PBRM1: variants seen among roughly 807,000 people sequenced by gnomAD.
The protein encoded by PBRM1 is protein polybromo-1.
PBRM1 carries 27 observed loss-of-function variants against 194.5 expected under a neutral mutation model. That is an observed-to-expected ratio of 0.14 (90% CI 0.10 to 0.19). The LOEUF (loss-of-function observed/expected upper bound fraction) is 0.19, where lower values mean the gene tolerates loss of function less well. PBRM1 is among the 10% of genes least tolerant of loss of function. The probability of loss-of-function intolerance (pLI) is 1.00; values close to 1 mark genes in which losing one functional copy is unlikely to be tolerated. For synonymous variants in PBRM1, 655 were observed against 693.2 expected (o/e 0.94, Z 0.87); for missense variants, 1,466 against 2,077.2 (o/e 0.71, Z 5.72).
At chr3:52,658,709 A>C (rs56665533) in intron 4 of PBRM1, among the ~76,000 whole-genome samples, 17,128 of 152,098 alleles carry the variant, frequency 0.11, 2,537 homozygotes, top group African/African-American at 0.34. Flanking sequence ...GCAACTTCTA[A>C]GCAGTACTTA....
At chr3:52,678,097 C>A (rs2097143488) in intron 2 of PBRM1, among the ~76,000 whole-genome samples, 1 of 152,104 alleles carries the variant, frequency 6.6e-6, no homozygotes, top group South Asian at 2.1e-4. Context: ...GTCTCAAATT[C>A]TTGGCCTCAA....
chr3:52,667,901 A>C (rs1174494386), intron 3 of PBRM1, among the ~76,000 whole-genome samples: 2 of 152,126 alleles, frequency 1.3e-5, no homozygotes, highest in Non-Finnish European at 2.9e-5. Flanking sequence ...CTCTAAAAAA[A>C]AAAAGAAAAA....
At chr3:52,588,314 G>A (rs2092653823) in intron 18 of PBRM1, among the ~76,000 whole-genome samples, 1 of 152,148 alleles carries the variant, frequency 6.6e-6, no homozygotes, top group Non-Finnish European at 1.5e-5. Context: ...CAATTTAAAG[G>A]CAACTGTTCT....
intron 27 of PBRM1, among the ~76,000 whole-genome samples, chr3:52,552,736 A>AC (rs2081282786): frequency 6.6e-6 from 1 of 152,238 alleles, no homozygotes; most frequent in Admixed American, 6.5e-5. Flanking sequence ...CACTAAGTGC[A>AC]CCTAGAAGGT....
chr3:52,554,767 A>G, exon 27 of PBRM1: 1 of 1,577,826 alleles, frequency 6.3e-7, no homozygotes, highest in Non-Finnish European at 8.6e-7. Flanking sequence ...CTGGCGGAAG[A>G]TGGTGGGGTG....
At chr3:52,644,509 C>A (rs1449331300) in intron 8 of PBRM1, among the ~76,000 whole-genome samples, 195 bp downstream of exon 9, 1 of 152,064 alleles carries the variant, frequency 6.6e-6, no homozygotes, top group Non-Finnish European at 1.5e-5. Context: ...CTCAGCCTCC[C>A]AAGTAGCTGT....
intron 16 of PBRM1, among the ~76,000 whole-genome samples, chr3:52,606,434 A>G (rs762420393): frequency 1.3e-5 from 2 of 152,226 alleles, no homozygotes; most frequent in Non-Finnish European, 2.9e-5. Flanking sequence ...CTGTAAATTA[A>G]AAGTAAAAAA....
intron 13 of PBRM1, among the ~76,000 whole-genome samples, chr3:52,625,518 G>C (rs2095418023): frequency 1.3e-5 from 2 of 150,668 alleles, no homozygotes; most frequent in South Asian, 4.2e-4. Context: ...AAACCTGTTT[G>C]TAAAGAGACT....
intron 13 of PBRM1, among the ~76,000 whole-genome samples, 196 bp from the exon 15 acceptor site, chr3:52,625,137 A>C (rs1187137417): frequency 1.3e-5 from 2 of 152,216 alleles, no homozygotes; most frequent in East Asian, 3.8e-4. Flanking sequence ...GAATATACCC[A>C]CAATCAATTT....
intron 8 of PBRM1, 63 bp from the exon 10 acceptor site, chr3:52,643,406 C>G: frequency 2.1e-6 from 2 of 950,700 alleles, no homozygotes; most frequent in Non-Finnish European, 3.4e-6. Context: ...GCTGGGTAAA[C>G]AAACACACAC....
upstream of PBRM1, chr3:52,681,843 A>G (rs2097209508): frequency 3.1e-6 from 1 of 318,864 alleles, no homozygotes; most frequent in Non-Finnish European, 4.7e-6. Flanking sequence ...AACAAGGCAG[A>G]GAAGGGGGAA....
intron 13 of PBRM1, 24 bp from the exon 16 acceptor site, chr3:52,617,562 G>C: frequency 6.4e-7 from 1 of 1,562,352 alleles, no homozygotes; most frequent in Non-Finnish European, 8.6e-7. Context: ...GGTAGAAAAG[G>C]GGAAAAATTA....
At chr3:52,642,413 G>C (rs567499731) in intron 9 of PBRM1, among the ~76,000 whole-genome samples, 10 of 152,038 alleles carry the variant, frequency 6.6e-5, no homozygotes, top group Non-Finnish European at 1.3e-4. Flanking sequence ...TCAGGAGTTT[G>C]AGACCAGCCT....
intron 11 of PBRM1, among the ~76,000 whole-genome samples, chr3:52,631,642 C>T (rs950585556): frequency 2.0e-5 from 3 of 152,272 alleles, no homozygotes; most frequent in East Asian, 1.9e-4. Flanking sequence ...GATACTCCCA[C>T]GTCAGCCTCC....
At chr3:52,674,231 C>T (rs2097028581) in intron 2 of PBRM1, among the ~76,000 whole-genome samples, 1 of 151,770 alleles carries the variant, frequency 6.6e-6, no homozygotes, top group African/African-American at 2.4e-5. Context: ...CCTGTAATGC[C>T]AGCACTTTGG....
chr3:52,570,128 C>G (rs914568253), intron 22 of PBRM1, among the ~76,000 whole-genome samples: 2 of 152,204 alleles, frequency 1.3e-5, no homozygotes, highest in African/African-American at 4.8e-5. Context: ...CCCACCACCA[C>G]GCCCACATCA....
rs1292487024 is a variant in PBRM1 at position 52,631,887 on chromosome 3, C to CA, written c.1301+2714dup. Among the ~76,000 whole-genome samples the CA allele has an allele frequency of 1.2e-4, 19 of 152,112 alleles. 1 individual carries two copies. The highest frequency in any genetic ancestry group is 1.2e-3 in the Admixed American group (19 of 15,258). On this transcript the variant is annotated intron_variant, in intron 11 of 29. Coordinates refer to ENST00000296302, the Ensembl canonical transcript of PBRM1. ...AATGTACAGGTAATATCAAAATTCACAGAGACTGATTCAAAGATGGAAGGC... is the reference window on the plus strand; with the variant it reads ...AATGTACAGGTAATATCAAAATTCACAAGAGACTGATTCAAAGATGGAAGGC...
chr3:52,580,447 C>T (rs2090847536), intron 20 of PBRM1, among the ~76,000 whole-genome samples: 1 of 152,110 alleles, frequency 6.6e-6, no homozygotes, highest in South Asian at 2.1e-4. Flanking sequence ...CAAGCTCCGC[C>T]TCCCGGGTTC....
chr3:52,576,611 T>C (rs1225595615), exon 22 of PBRM1: 1 of 1,610,392 alleles, frequency 6.2e-7, no homozygotes, highest in African/African-American at 1.3e-5. Context: ...AGAACATTTT[T>C]GTGGGCTCAT....
Sources: allele counts gnomAD v4.1 joint callset (sites outside exome capture counted in the v4.1 genomes callset), GRCh38; gene constraint gnomAD v4.1.1; transcripts MANE v1.5; gene names NCBI Gene and HGNC (gene_info 2026-07-23, HGNC 2026-07-21).